The following RBBP6 variants were observed in gnomAD, a reference collection of about 807,000 sequenced individuals.
RBBP6 encodes the protein E3 ubiquitin-protein ligase RBBP6.
RBBP6 carries 25 observed loss-of-function variants against 167.7 expected under a neutral mutation model. The observed-to-expected ratio is 0.15, with a 90% CI of 0.11 to 0.21. RBBP6 has a LOEUF of 0.21. RBBP6 is among the 10% of genes least tolerant of loss of function. The pLI, the probability that RBBP6 is intolerant of heterozygous loss-of-function variation, is 1.00. For missense variants in RBBP6, 1,868 were observed against 2,134.2 expected, an observed-to-expected ratio of 0.88 and a Z score of 2.46; for synonymous variants, 789 against 735.8, an observed-to-expected ratio of 1.07 and a Z score of -1.17.
At position 24,571,588 on chromosome 16, in the gene RBBP6, G is replaced by T. The variant is rs370675275; in HGVS notation, c.4522G>T (p.Ala1508Ser). Residue 1508 changes from alanine (A) to serine (S), a missense_variant, in exon 18 of 18, where the codon GCA (alanine) becomes TCA (serine). Ala to Ser is a moderately conservative substitution (Grantham distance 99, BLOSUM62 1). Around this residue, in one of 7 missense-constraint regions of RBBP6, gnomAD observed 591 missense variants for 540.5 expected, o/e 1.09. Coordinates refer to ENST00000319715, the MANE Select transcript of RBBP6 (RefSeq NM_006910.5). ...KDSPSRNKDS[A>S]SGQKNKPREE... ...CTCTCCTTCTCGGAATAAAGATTCT[G>T]CATCTGGACAGAAAAATAAACCAAG... The T allele has an allele frequency of 1.7e-5, 28 of 1,611,084 alleles. No homozygotes were observed. Among genetic ancestry groups the T allele is most frequent in the Non-Finnish European group, 2.4e-5 (28 of 1,179,382 alleles).
At chr16:24,542,706 A>G (rs960407566) in intron 1 of RBBP6, among the ~76,000 whole-genome samples, 1 of 152,048 alleles carries the variant, frequency 6.6e-6, no homozygotes, top group South Asian at 2.1e-4. Context: ...CAAGTGATCC[A>G]CCCACCTGGG....
At chr16:24,559,756 T>C in intron 8 of RBBP6, 79 bp downstream of exon 8, 1 of 1,215,030 alleles carries the variant, frequency 8.2e-7, no homozygotes, top group South Asian at 2.1e-5. Flanking sequence ...CAACCTCATA[T>C]GTTTTAATAA....
chr16:24,571,730 A>G lies in RBBP6; in HGVS notation c.4664A>G (p.Asn1555Ser), dbSNP rs1165178734. 3 of 1,614,210 alleles carry G rather than the reference A, an allele frequency of 1.9e-6. No individual in the cohort carries two copies. In the East Asian group the frequency reaches 6.7e-5, roughly 36 times the overall value. ...HKATYDTKRP[N>S]EETKSVDKNP... ...GCCACTTATGATACTAAACGGCCAA[A>G]TGAAGAGACAAAATCTGTAGATAAA... is the stretch of plus-strand genomic sequence containing the variant. Residue 1555 changes from asparagine (N) to serine (S), a missense_variant, in exon 18 of 18, where the codon AAT becomes AGT. Transcript: ENST00000319715.
At chr16:24,549,483 T>G (rs1331465760) in intron 3 of RBBP6, 8 of 607,002 alleles carry the variant, frequency 1.3e-5, no homozygotes, top group Non-Finnish European at 1.4e-5. Flanking sequence ...CAAAAACGCA[T>G]TAGCAACATG....
At chr16:24,554,007 T>G (rs1898859221) in intron 4 of RBBP6, 1 of 154,292 alleles carries the variant, frequency 6.5e-6, no homozygotes, top group Non-Finnish European at 1.4e-5. Context: ...GTGATGCAGT[T>G]GTTTCTTTAT....
At chr16:24,559,405 T>G (rs1376803436) in intron 7 of RBBP6, 100 bp from the exon 8 acceptor site, 3 of 914,504 alleles carry the variant, frequency 3.3e-6, no homozygotes, top group Non-Finnish European at 4.8e-6. Context: ...TAATTTGGCA[T>G]TGCGCTGAAT....
chr16:24,567,980 C>G, intron 16 of RBBP6, 87 bp downstream of exon 16: 3 of 1,133,708 alleles, frequency 2.6e-6, no homozygotes, highest in Non-Finnish European at 3.9e-6. Flanking sequence ...GAACATTGCA[C>G]TTAGGAATTT....
intron 7 of RBBP6, among the ~76,000 whole-genome samples, chr16:24,557,395 A>G (rs16973830): frequency 0.097 from 14,803 of 152,174 alleles, 859 homozygotes; most frequent in South Asian, 0.16. Flanking sequence ...CTCCCATTTT[A>G]TCTGCTTTTA....
intron 3 of RBBP6, 132 bp downstream of exon 3, chr16:24,549,113 A>G (rs539005354): frequency 2.6e-6 from 4 of 1,510,764 alleles, no homozygotes; most frequent in African/African-American, 2.8e-5. Flanking sequence ...ATGTATTTTG[A>G]TGACAGCTCA....
rs1431219152 is a variant in RBBP6, at chr16:24,570,855, AT to A, written c.3810-20del. On this transcript the variant is annotated intron_variant, in intron 17 of 17. Coordinates refer to ENST00000319715, the MANE Select transcript of RBBP6 (RefSeq NM_006910.5). ...ATAGTAAATTCTTCATTAATTAAAAATATTTTGTTATTCTTTTTAGTACGAG... is the reference window on the plus strand; with the variant it reads ...ATAGTAAATTCTTCATTAATTAAAAAATTTTGTTATTCTTTTTAGTACGAG... 1 of 1,407,268 alleles carries A rather than the reference AT, an allele frequency of 7.1e-7. No individual in the cohort carries two copies. The highest frequency in any genetic ancestry group is 1.5e-5 in the African/African-American group (1 of 68,298). The allele number at this position is 1,407,268 out of a possible 1,614,324, so 87.2% of individuals were successfully genotyped here. A position where few individuals can be genotyped will look rare whatever the true frequency, so the allele number is the denominator to read the frequency against.
intron 10 of RBBP6, among the ~76,000 whole-genome samples, chr16:24,562,635 C>T (rs1383614397): frequency 6.7e-6 from 1 of 149,520 alleles, no homozygotes; most frequent in East Asian, 2.0e-4. Context: ...CAGCCTACCA[C>T]TTCAGAAATG....
chr16:24,564,907 TTA>T (rs746086739), intron 14 of RBBP6, 42 bp downstream of exon 14: 12 of 1,573,456 alleles, frequency 7.6e-6, no homozygotes, highest in Admixed American at 5.4e-5. Flanking sequence ...ATCTTATTTT[TTA>T]TATATATATC....
chr16:24,563,983 T>C (rs970225778), intron 13 of RBBP6, among the ~76,000 whole-genome samples: 4 of 152,170 alleles, frequency 2.6e-5, no homozygotes, highest in African/African-American at 4.8e-5. Context: ...TGAAAAGTTA[T>C]TTTAAATATG....
chr16:24,564,295 G>A (rs1200756833), intron 13 of RBBP6, among the ~76,000 whole-genome samples: 12 of 152,228 alleles, frequency 7.9e-5, no homozygotes, highest in Non-Finnish European at 2.9e-5. Flanking sequence ...CTAGCAGGAT[G>A]TATCAGTAGA....
At position 24,555,811 on chromosome 16, in the gene RBBP6, C is replaced by A; in HGVS notation, c.438-10C>A. ...CCTCGTATACATGTAATTTTTTTTCCCCCTTTTAGTTACATGAAGAAACCT... is the reference window on the plus strand; with the variant it reads ...CCTCGTATACATGTAATTTTTTTTCACCCTTTTAGTTACATGAAGAAACCT... On this transcript the variant is annotated splice_polypyrimidine_tract_variant and intron_variant, in intron 5 of 17. Coordinates refer to ENST00000319715, the MANE Select transcript of RBBP6 (RefSeq NM_006910.5). 6.3e-7 allele frequency: 1 copy of A among 1,598,302 alleles called. No homozygotes were observed. Among genetic ancestry groups the A allele is most frequent in the South Asian group, 1.1e-5 (1 of 90,294 alleles).
chr16:24,559,430 A>T, intron 7 of RBBP6, 75 bp from the exon 8 acceptor site: 3 of 1,235,434 alleles, frequency 2.4e-6, no homozygotes, highest in Non-Finnish European at 3.4e-6. Flanking sequence ...TGTTCCCATT[A>T]TGTTATAGTA....
chr16:24,547,070 T>G (rs1158319879), intron 2 of RBBP6, among the ~76,000 whole-genome samples: 2 of 152,158 alleles, frequency 1.3e-5, no homozygotes, highest in African/African-American at 4.8e-5. Flanking sequence ...ACATAGGTTA[T>G]TTAAAGAGTA....
At chr16:24,550,205 T>C (rs566430468) in intron 3 of RBBP6, among the ~76,000 whole-genome samples, 124 of 152,040 alleles carry the variant, frequency 8.2e-4, no homozygotes, top group Middle Eastern at 3.4e-3. Flanking sequence ...GATCATTGGA[T>C]CTTAAACATG....
intron 14 of RBBP6, among the ~76,000 whole-genome samples, chr16:24,566,469 T>C (rs1056309327): frequency 6.6e-6 from 1 of 152,220 alleles, no homozygotes; most frequent in African/African-American, 2.4e-5. Flanking sequence ...TTTAAACTTT[T>C]GGGGCCAGGT....
Sources: allele counts gnomAD v4.1 joint callset (sites outside exome capture counted in the v4.1 genomes callset), GRCh38; gene constraint gnomAD v4.1.1; regional missense constraint gnomAD v4.1.1; transcripts MANE v1.5; gene names NCBI Gene and HGNC (gene_info 2026-07-23, HGNC 2026-07-21).